SELENOV: variants seen among roughly 807,000 people sequenced by gnomAD.
SELENOV encodes the protein selenoprotein V.
In SELENOV, 25 loss-of-function variants were observed where a neutral mutation model predicts 21.6. The observed-to-expected ratio is 1.16, with a 90% confidence interval of 0.84 to 1.62. The LOEUF is 1.62. Ranked by LOEUF, SELENOV falls within the 40% of genes most tolerant of loss-of-function variation. The probability of loss-of-function intolerance (pLI) is 0.00; values close to 1 mark genes in which losing one functional copy is unlikely to be tolerated. For missense variants in SELENOV, 472 were observed against 459.0 expected, an observed-to-expected ratio of 1.03 and a Z score of -0.26; for synonymous variants, 227 against 216.9, an observed-to-expected ratio of 1.05 and a Z score of -0.41.
At chr19:39,517,964 CAAAAAAAAAAAAA>C (rs56157115) in intron 1 of SELENOV, among the ~76,000 whole-genome samples, 2 of 12,362 alleles carry the variant, frequency 1.6e-4, no homozygotes, top group Non-Finnish European at 2.8e-4. Context: ...GACTCTGTCT[CAAAAAAAAAAAAA>C]AAAAAAAAAA....
At chr19:39,518,750 T>C in exon 3 of SELENOV, 1 of 1,613,804 alleles carries the variant, frequency 6.2e-7, no homozygotes, top group Non-Finnish European at 8.5e-7. Flanking sequence ...TACATTCTAC[T>C]GAAAAAGAGC....
exon 1 of SELENOV, chr19:39,516,019 C>T: frequency 1.3e-6 from 2 of 1,580,124 alleles, no homozygotes; most frequent in South Asian, 2.3e-5. Context: ...GAGTGACCTA[C>T]TGGTGAGGAC....
chr19:39,518,490 A>T, intron 1 of SELENOV, 118 bp from the exon 2 acceptor site: 1 of 1,014,104 alleles, frequency 9.9e-7, no homozygotes, highest in Non-Finnish European at 1.5e-6. Flanking sequence ...GATTCTGAAC[A>T]GGGGAGGAAC....
At chr19:39,517,738 T>C (rs1444472323) in intron 1 of SELENOV, among the ~76,000 whole-genome samples, 1 of 150,674 alleles carries the variant, frequency 6.6e-6, no homozygotes, top group Non-Finnish European at 1.5e-5. Flanking sequence ...GTGGATCACT[T>C]GAGGCCAGGT....
chr19:39,518,915 G>A, exon 4 of SELENOV: 1 of 1,613,938 alleles, frequency 6.2e-7, no homozygotes, highest in Non-Finnish European at 8.5e-7. Flanking sequence ...GGAGGACAGA[G>A]CTGCCCAGGC....
In SELENOV at chr19:39,518,804, G is replaced by T; in HGVS notation, c.888+11G>T. ...AATCACCTACTCTTTGTAAGTGTGT[G>T]GGGGTCCTGGGGGAGAGGGGGGTGG... On this transcript the variant is annotated intron_variant, in intron 3 of 5. Coordinates refer to ENST00000335426, the Ensembl canonical transcript of SELENOV. The T allele has an allele frequency of 6.2e-7, 1 of 1,613,630 alleles. No homozygotes were observed. Among genetic ancestry groups the T allele is most frequent in the South Asian group, 1.1e-5 (1 of 91,078 alleles).
rs979686658 is a variant in SELENOV at position 39,515,245 on chromosome 19, C to T, written c.33C>T (p.Ser11=). The T allele has an allele frequency of 5.2e-6, 8 of 1,550,336 alleles. 1 individual carries two copies. In the Admixed American group the frequency reaches 7.8e-5, roughly 15 times the overall value. Reference sequence around the variant, plus strand: ...ACCAGGCGCGGACCCCAGCCCCCTCCTCGGCGCGGACTTCAACCTCAGTCC... The same window carrying T: ...ACCAGGCGCGGACCCCAGCCCCCTCTTCGGCGCGGACTTCAACCTCAGTCC... Residue 11 remains serine (S), a synonymous_variant, in exon 1 of 6, where the codon TCC becomes TCT. Transcript: ENST00000335426. The surrounding 1 kb of genome is among the most constrained non-coding windows in gnomAD (Gnocchi z 5.1).
At chr19:39,519,217 G>GT (rs1386464232) in intron 5 of SELENOV, 47 bp downstream of exon 5, 5 of 1,317,458 alleles carry the variant, frequency 3.8e-6, no homozygotes, top group Non-Finnish European at 5.4e-6. Context: ...TGGAGGCCGG[G>GT]TAGGAGGATG....
chr19:39,519,063 G>A lies in SELENOV; in HGVS notation c.964-8G>A, dbSNP rs779534378. On this transcript the variant is annotated splice_region_variant and splice_polypyrimidine_tract_variant and intron_variant, in intron 4 of 5. Transcript: ENST00000335426. ...GAGACCTGTGTGCTTTCTTCCCTCTGTGCCCAGAGGGGTGATGGCTTTGTG... is the reference window on the plus strand; with the variant it reads ...GAGACCTGTGTGCTTTCTTCCCTCTATGCCCAGAGGGGTGATGGCTTTGTG... 4 of 1,613,736 alleles carry A rather than the reference G, an allele frequency of 2.5e-6. No homozygotes were observed. Among genetic ancestry groups the A allele is most frequent in the Admixed American group, 3.3e-5 (2 of 60,000 alleles).
At chr19:39,519,525 G>A (rs1019917772) in intron 5 of SELENOV, among the ~76,000 whole-genome samples, 1 of 151,560 alleles carries the variant, frequency 6.6e-6, no homozygotes, top group South Asian at 2.1e-4. Context: ...AATTAGCCAG[G>A]CACAGTGGCT....
At position 39,515,774 on chromosome 19, in the gene SELENOV, G is replaced by T. The variant is rs1338626536; in HGVS notation, c.562G>T (p.Ala188Ser). 3 of 1,549,030 alleles carry T rather than the reference G, an allele frequency of 1.9e-6. No individual in the cohort carries two copies. The stretch of plus-strand genomic sequence containing the variant: ...GTCGGTCTCCAGCGAGGCCGGGCCC[G>T]CCCCGGGGCCCCTTCCCACGCGCAC... The change falls in exon 1 of 6, where the codon GCC becomes TCC. Residue 188 changes from alanine to serine, a missense_variant. By Grantham distance (99) the Ala-to-Ser change is moderately conservative. Coordinates refer to ENST00000335426, the Ensembl canonical transcript of SELENOV. This position sits in a 1 kb window ranked among gnomAD's most constrained non-coding sequence, Gnocchi z 5.1.
At position 39,515,588 on chromosome 19, in the gene SELENOV, GC is replaced by G; in HGVS notation, c.380del (p.Pro127GlnfsTer49). 1.3e-6 allele frequency: 2 copies of G among 1,548,982 alleles called. No individual in the cohort carries two copies. On this transcript the variant is annotated frameshift_variant, in exon 1 of 6. Coordinates refer to ENST00000335426, the Ensembl canonical transcript of SELENOV. LOFTEE classifies it high-confidence loss of function. The surrounding 1 kb of genome is among the most constrained non-coding windows in gnomAD (Gnocchi z 5.1). ...TCCTCCAGTCCGGGTCCCAGCCCCA[GC>G]CCCAGCCCAGCTCCTGGCAGGGATT...
chr19:39,518,397 G>A lies in SELENOV; in HGVS notation c.810-211G>A, dbSNP rs192408960. 6.7e-5 allele frequency: 41 copies of A among 614,244 alleles called. No individual in the cohort carries two copies. In the East Asian group the frequency reaches 1.1e-3, roughly 16 times the overall value. 38.0% of individuals were successfully genotyped at this position (614,244 alleles called of 1,614,324 possible). ...AGAAGTGGGAGAAGATGGAGACAGA[G>A]GGGTGAGAAGGCAGATCCTGTGGTG... On this transcript the variant is annotated intron_variant, in intron 1 of 5. Transcript: ENST00000335426.
chr19:39,519,199 G>T, intron 5 of SELENOV, 29 bp downstream of exon 5: 1 of 1,539,274 alleles, frequency 6.5e-7, no homozygotes, highest in Non-Finnish European at 9.0e-7. Flanking sequence ...AGGCTGCGGT[G>T]GGAGGGGTGG....
rs2144776895 is a variant in SELENOV, at chr19:39,519,241, T to C, written c.*22+71T>C. ...GGTAGGAGGATGGGGCAGGGCTCTG[T>C]CTCAGTCCTGATCCTAGCTCAGCCG... On this transcript the variant is annotated intron_variant, in intron 5 of 5. Coordinates refer to ENST00000335426, the Ensembl canonical transcript of SELENOV. 10 of 1,029,268 alleles carry C rather than the reference T, an allele frequency of 9.7e-6. No homozygotes were observed. The South Asian group carries it at 1.1e-4, about 11-fold the overall frequency. The allele number at this position is 1,029,268 out of a possible 1,614,324, so 63.8% of individuals were successfully genotyped here.
chr19:39,519,251 G>A, intron 5 of SELENOV, 81 bp downstream of exon 5: 1 of 945,962 alleles, frequency 1.1e-6, no homozygotes, highest in Non-Finnish European at 1.7e-6. Flanking sequence ...TCTCAGTCCT[G>A]ATCCTAGCTC....
intron 1 of SELENOV, among the ~76,000 whole-genome samples, chr19:39,516,878 T>C (rs75014864): frequency 6.6e-6 from 1 of 151,660 alleles, no homozygotes; most frequent in Non-Finnish European, 1.5e-5. Context: ...TATTTTTTTT[T>C]AGTAGAGACG....
intron 1 of SELENOV, 105 bp downstream of exon 1, chr19:39,516,126 G>C (rs1159660973): frequency 1.0e-6 from 1 of 995,974 alleles, no homozygotes; most frequent in Non-Finnish European, 1.5e-6. Flanking sequence ...GGCGAGGGGA[G>C]GGATTCAGGA....
At position 39,519,870 on chromosome 19, in the gene SELENOV, C is replaced by G. The variant is rs2079719717; in HGVS notation, c.*23-276C>G. ...GTCCCAGCTACTCAGAAGGCTGAGG[C>G]AGGAGAATGGCGTGAACCTGAGAGG... On this transcript the variant is annotated intron_variant, in intron 5 of 5. Transcript: ENST00000335426. Among the ~76,000 whole-genome samples the G allele has an allele frequency of 3.4e-5, 5 of 145,338 alleles. No individual in the cohort carries two copies. In the South Asian group the frequency reaches 1.1e-3, roughly 31 times the overall value.
Sources: allele counts gnomAD v4.1 joint callset (sites outside exome capture counted in the v4.1 genomes callset), GRCh38; gene constraint gnomAD v4.1.1; non-coding constraint Gnocchi (gnomAD v3.1); transcripts MANE v1.5; gene names NCBI Gene and HGNC (gene_info 2026-07-23, HGNC 2026-07-21).